Variants in PDE10A observed in about 807,000 individuals in gnomAD.
The protein encoded by PDE10A is cAMP and cAMP-inhibited cGMP 3',5'-cyclic phosphodiesterase 10A.
PDE10A carries 39 observed loss-of-function variants against 97.7 expected under a neutral mutation model. The observed-to-expected ratio is 0.40, with a 90% CI of 0.31 to 0.52. The LOEUF (loss-of-function observed/expected upper bound fraction) is 0.52, where lower values mean the gene tolerates loss of function less well. Among genes scored for constraint, PDE10A ranks in the 20% least tolerant of loss-of-function variants. The probability of loss-of-function intolerance (pLI) is 0.56; values close to 1 mark genes in which losing one functional copy is unlikely to be tolerated. For synonymous variants in PDE10A, 371 were observed against 376.8 expected (o/e 0.98, Z 0.18); for missense variants, 731 against 1,047.8 (o/e 0.70, Z 4.17).
chr6:165,872,014 G>A (rs1279561278), intron 1 of PDE10A, among the ~76,000 whole-genome samples: 1 of 152,112 alleles, frequency 6.6e-6, no homozygotes, highest in Non-Finnish European at 1.5e-5. Context: ...GGTGCTGAGT[G>A]TCAGAAGCGT....
chr6:165,888,644 TTTTA>T (rs1262616301), intron 1 of PDE10A, among the ~76,000 whole-genome samples: 1 of 152,162 alleles, frequency 6.6e-6, no homozygotes, highest in Non-Finnish European at 1.5e-5. Flanking sequence ...AGGCTGGGAT[TTTTA>T]TTTGTTTGTT....
intron 17 of PDE10A, among the ~76,000 whole-genome samples, chr6:165,387,662 G>C: frequency 6.6e-6 from 1 of 152,316 alleles, no homozygotes; most frequent in Admixed American, 6.5e-5. Flanking sequence ...CTGACAGTGA[G>C]AGGAAAATAT....
chr6:165,971,818 A>T (rs563090027), intron 1 of PDE10A, among the ~76,000 whole-genome samples: 2 of 152,308 alleles, frequency 1.3e-5, no homozygotes, highest in East Asian at 3.9e-4. Flanking sequence ...TTTGGCAGCC[A>T]CAGAGCTTTT....
chr6:165,784,877 G>A (rs1164504292), intron 1 of PDE10A, among the ~76,000 whole-genome samples: 1 of 152,198 alleles, frequency 6.6e-6, no homozygotes, highest in Non-Finnish European at 1.5e-5. Flanking sequence ...ATGGTAAGGG[G>A]GAGTTGGGGC....
intron 1 of PDE10A, among the ~76,000 whole-genome samples, chr6:165,768,206 G>A (rs376211917): frequency 3.0e-4 from 46 of 152,212 alleles, no homozygotes; most frequent in African/African-American, 1.0e-3. Flanking sequence ...TCAGATAGAT[G>A]ATTTGCAAGT....
chr6:165,794,427 C>G (rs1295490346), intron 1 of PDE10A, among the ~76,000 whole-genome samples: 1 of 151,828 alleles, frequency 6.6e-6, no homozygotes, highest in Non-Finnish European at 1.5e-5. Flanking sequence ...TACACTCACT[C>G]ACACACTCAC....
At chr6:165,592,526 G>A (rs370107555) in intron 1 of PDE10A, among the ~76,000 whole-genome samples, 13 of 152,146 alleles carry the variant, frequency 8.5e-5, no homozygotes, top group African/African-American at 3.1e-4. Context: ...CCTACAGAAT[G>A]GGAGAAAAGT....
chr6:165,556,406 C>T (rs1449038095), intron 1 of PDE10A, among the ~76,000 whole-genome samples: 2 of 152,218 alleles, frequency 1.3e-5, no homozygotes, highest in Non-Finnish European at 2.9e-5. Context: ...AGGCTTCTGC[C>T]TTGAAGACAG....
At chr6:165,756,653 G>T (rs1292918748) in intron 1 of PDE10A, among the ~76,000 whole-genome samples, 1 of 152,080 alleles carries the variant, frequency 6.6e-6, no homozygotes, top group Non-Finnish European at 1.5e-5. Flanking sequence ...ATCAGTCTTT[G>T]CTGTTGCAGA....
chr6:165,700,531 A>G (rs560832163), intron 1 of PDE10A, among the ~76,000 whole-genome samples: 1 of 152,342 alleles, frequency 6.6e-6, no homozygotes, highest in East Asian at 1.9e-4. Context: ...TTCTGACAGT[A>G]GCACCTATGT....
intron 1 of PDE10A, among the ~76,000 whole-genome samples, chr6:165,763,850 G>A (rs962235196): frequency 5.9e-5 from 9 of 152,196 alleles, no homozygotes; most frequent in Non-Finnish European, 1.2e-4. Flanking sequence ...TTGCTACCTC[G>A]TATTGAATGC....
At chr6:165,743,141 C>T (rs528608027) in intron 1 of PDE10A, among the ~76,000 whole-genome samples, 2 of 152,278 alleles carry the variant, frequency 1.3e-5, no homozygotes, top group Admixed American at 6.5e-5. Flanking sequence ...GTACCTACTA[C>T]GTGCTAATTA....
chr6:165,948,380 G>A (rs189545187), intron 1 of PDE10A: 36 of 152,284 alleles, frequency 2.4e-4, no homozygotes, highest in African/African-American at 8.4e-4. Flanking sequence ...CTCCCTTCCT[G>A]GGGAGGAGGT....
At position 165,418,889 on chromosome 6, in the gene PDE10A, T is replaced by C; in HGVS notation, c.1654-112A>G. 1 of 767,046 alleles carries C rather than the reference T, an allele frequency of 1.3e-6. No homozygotes were observed. Among genetic ancestry groups the C allele is most frequent in the Non-Finnish European group, 2.1e-6 (1 of 465,838 alleles). The allele number at this position is 767,046 out of a possible 1,614,324, so 47.5% of individuals were successfully genotyped here. ...TCAGCTGTCCTATACTCTAATTGGT[T>C]GGTATTAGCATTATAAGTAAATAAA... On this transcript the variant is annotated intron_variant, in intron 10 of 21. Transcript: ENST00000539869. This position sits in a 1 kb window ranked among gnomAD's most constrained non-coding sequence, Gnocchi z 4.8.
At chr6:165,333,286 T>C (rs1183024089) in intron 21 of PDE10A, among the ~76,000 whole-genome samples, 159 bp from the exon 22 acceptor site, 1 of 152,160 alleles carries the variant, frequency 6.6e-6, no homozygotes, top group Non-Finnish European at 1.5e-5. Flanking sequence ...GGCAGGTTCC[T>C]GTGATGGCTG....
chr6:165,912,099 T>C (rs541181858), intron 1 of PDE10A, among the ~76,000 whole-genome samples: 66 of 152,162 alleles, frequency 4.3e-4, no homozygotes, highest in South Asian at 1.9e-3. Flanking sequence ...CTATAAATCA[T>C]CTATTATTTA....
intron 1 of PDE10A, among the ~76,000 whole-genome samples, chr6:165,691,106 T>TCTCTCTCTCTC (rs143783728): frequency 0.021 from 838 of 39,078 alleles, 156 homozygotes; most frequent in East Asian, 0.12. Context: ...TCTTTCTCTC[T>TCTCTCTCTCTC]CCCCCCCCCC....
chr6:165,965,292 G>C (rs948169049), intron 1 of PDE10A, among the ~76,000 whole-genome samples: 3 of 152,094 alleles, frequency 2.0e-5, no homozygotes, highest in Admixed American at 6.5e-5. Context: ...CAAGTTTCCG[G>C]GCTGGGTAGC....
intron 10 of PDE10A, among the ~76,000 whole-genome samples, chr6:165,424,640 T>C (rs927858021): frequency 6.6e-6 from 1 of 152,124 alleles, no homozygotes; most frequent in African/African-American, 2.4e-5. Context: ...CCAATACCAG[T>C]ACTATCCAAA....
Sources: gnomAD v4.1 joint callset for allele counts (sites outside exome capture counted in the v4.1 genomes callset) on GRCh38, gnomAD v4.1.1 for gene constraint, Gnocchi (gnomAD v3.1) non-coding constraint, MANE v1.5 for transcripts, NCBI Gene and HGNC (gene_info 2026-07-23, HGNC 2026-07-21) for gene names.